DHRSX: variants seen among roughly 807,000 people sequenced by gnomAD.
The protein encoded by DHRSX is polyprenol dehydrogenase.
A neutral mutation model predicts 34.0 loss-of-function variants in DHRSX; 31 were observed. That is an observed-to-expected ratio of 0.91 (90% confidence interval 0.69 to 1.23). DHRSX has a LOEUF of 1.23. DHRSX is among the 50% of genes most tolerant of loss of function. The pLI is 0.00. For missense variants in DHRSX, 414 were observed against 428.1 expected (o/e 0.97, Z 0.29); for synonymous variants, 201 against 183.8 (o/e 1.09, Z -0.76).
chrX:2,237,635 G>A (rs751030978), intron 6 of DHRSX, among the ~76,000 whole-genome samples: 1 of 152,080 alleles, frequency 6.6e-6, no homozygotes, highest in East Asian at 1.9e-4. Flanking sequence ...CTCCTGAGTA[G>A]CTGGGATTAC....
At chrX:2,485,693 A>G (rs1290815845) in intron 1 of DHRSX, among the ~76,000 whole-genome samples, 2 of 56,860 alleles carry the variant, frequency 3.5e-5, no homozygotes, top group African/African-American at 2.1e-4. Context: ...AGGGAGGCAG[A>G]GAGGGAGGGG....
At chrX:2,349,332 C>T (rs192891336) in intron 3 of DHRSX, among the ~76,000 whole-genome samples, 17 of 143,292 alleles carry the variant, frequency 1.2e-4, no homozygotes, top group Admixed American at 5.4e-4. Context: ...GACACTCCGT[C>T]TCAAACAAAA....
At chrX:2,491,507 C>T (rs1461176346) in intron 1 of DHRSX, among the ~76,000 whole-genome samples, 1 of 151,574 alleles carries the variant, frequency 6.6e-6, no homozygotes, top group African/African-American at 2.4e-5. Context: ...GCCAGGCAGA[C>T]CCCCCACTGC....
intron 2 of DHRSX, among the ~76,000 whole-genome samples, chrX:2,409,793 G>A (rs186614665): frequency 2.0e-4 from 31 of 151,884 alleles, no homozygotes; most frequent in Admixed American, 2.6e-4. Context: ...GCAGTGGTGC[G>A]ATCTCAGCTC....
chrX:2,429,236 T>C (rs908115431), intron 1 of DHRSX, among the ~76,000 whole-genome samples: 6 of 152,080 alleles, frequency 3.9e-5, no homozygotes, highest in Non-Finnish European at 7.4e-5. Flanking sequence ...AAGTTTATTT[T>C]AAAAATAGGA....
intron 5 of DHRSX, among the ~76,000 whole-genome samples, chrX:2,259,365 G>GATAGATATAGATAT (rs2041327858): frequency 9.4e-6 from 1 of 106,332 alleles, no homozygotes; most frequent in Non-Finnish European, 2.2e-5. Context: ...GATAGATATA[G>GATAGATATAGATAT]ATATATATAG....
chrX:2,274,864 C>A (rs1332980069), intron 4 of DHRSX, among the ~76,000 whole-genome samples: 1 of 152,124 alleles, frequency 6.6e-6, no homozygotes, highest in Non-Finnish European at 1.5e-5. Flanking sequence ...AGTTCTTTGC[C>A]AGTGGCTTTA....
intron 3 of DHRSX, among the ~76,000 whole-genome samples, chrX:2,301,210 C>T (rs1368031241): frequency 2.6e-5 from 4 of 152,184 alleles, no homozygotes; most frequent in Admixed American, 1.3e-4. Flanking sequence ...TTCAGGAATT[C>T]GAGACCAGCC....
rs781505360 is a variant in DHRSX at position 2,240,923 on chromosome X, G to A, written c.804+2100C>T. On this transcript the variant is annotated intron_variant, in intron 6 of 6. Coordinates refer to ENST00000334651, the MANE Select transcript of DHRSX (RefSeq NM_145177.3). ...AGGACAGGCACGGTGGCTCACTACT[G>A]TATCCCAGCACTTCGGGAGACCGAG... 5.3e-4 allele frequency among the ~76,000 whole-genome samples: 81 copies of A among 152,186 alleles called. No homozygotes were observed. In the Middle Eastern group the frequency reaches 0.01, roughly 19 times the overall value.
chrX:2,308,054 C>T (rs775743417), intron 3 of DHRSX, among the ~76,000 whole-genome samples: 15 of 152,124 alleles, frequency 9.9e-5, no homozygotes, highest in South Asian at 6.2e-4. Context: ...GTACCTTCAA[C>T]GATACCTTCA....
At chrX:2,370,754 G>A (rs1362990295) in intron 3 of DHRSX, among the ~76,000 whole-genome samples, 1 of 151,960 alleles carries the variant, frequency 6.6e-6, no homozygotes, top group East Asian at 1.9e-4. Context: ...CCCATCTAAC[G>A]TGATCACATT....
At chrX:2,482,129 CTT>C (rs1356975147) in intron 1 of DHRSX, among the ~76,000 whole-genome samples, 26 of 129,710 alleles carry the variant, frequency 2.0e-4, no homozygotes, top group Admixed American at 3.9e-4. Flanking sequence ...CCACGTCTGG[CTT>C]TTTTTTTTTT....
chrX:2,310,235 C>G (rs1446562214), intron 3 of DHRSX, among the ~76,000 whole-genome samples: 3 of 152,122 alleles, frequency 2.0e-5, no homozygotes, highest in Non-Finnish European at 4.4e-5. Context: ...AAGTCTTGAG[C>G]AGGGACGAAG....
At chrX:2,266,329 A>G (rs559753202) in intron 5 of DHRSX, among the ~76,000 whole-genome samples, 162 of 101,110 alleles carry the variant, frequency 1.6e-3, no homozygotes, top group Middle Eastern at 0.01. Context: ...CTCGGCAGAC[A>G]CAGGGAGCAC....
intron 3 of DHRSX, among the ~76,000 whole-genome samples, chrX:2,314,994 A>G (rs181693408): frequency 6.6e-6 from 1 of 152,214 alleles, no homozygotes; most frequent in Non-Finnish European, 1.5e-5. Flanking sequence ...TGCTGTCTCT[A>G]CTAAAAGTAC....
At chrX:2,466,389 G>A (rs1000985242) in intron 1 of DHRSX, among the ~76,000 whole-genome samples, 2 of 146,702 alleles carry the variant, frequency 1.4e-5, no homozygotes, top group African/African-American at 2.7e-5. Context: ...GGTGAGCTGA[G>A]ATCACACCAC....
intron 1 of DHRSX, among the ~76,000 whole-genome samples, chrX:2,434,550 A>G (rs1239144283): frequency 6.6e-6 from 1 of 152,202 alleles, no homozygotes; most frequent in South Asian, 2.1e-4. Context: ...GCTCGCCTGT[A>G]GTCCCAGCTA....
At chrX:2,419,494 T>A (rs1164829876) in intron 2 of DHRSX, among the ~76,000 whole-genome samples, 1 of 152,162 alleles carries the variant, frequency 6.6e-6, no homozygotes, top group Non-Finnish European at 1.5e-5. Flanking sequence ...TTATAAATCA[T>A]GCTGCTATAA....
chrX:2,240,657 GA>G (rs1310783276), intron 6 of DHRSX, among the ~76,000 whole-genome samples: 1 of 151,948 alleles, frequency 6.6e-6, no homozygotes, highest in Non-Finnish European at 1.5e-5. Flanking sequence ...TCGCTCTTCC[GA>G]AAATTCCTCA....
Sources: allele counts gnomAD v4.1 joint callset (sites outside exome capture counted in the v4.1 genomes callset), GRCh38; gene constraint gnomAD v4.1.1; transcripts MANE v1.5; gene names NCBI Gene and HGNC (gene_info 2026-07-23, HGNC 2026-07-21).